SPTLC3: variants seen among roughly 807,000 people sequenced by gnomAD.
SPTLC3 encodes the protein serine palmitoyltransferase 3.
In SPTLC3, 36 loss-of-function variants were observed where a neutral mutation model predicts 59.3. The ratio of observed to expected loss-of-function variants is 0.61; its 90% CI spans 0.47 to 0.80. The LOEUF is 0.80. SPTLC3 is among the 30% of genes least tolerant of loss of function. The pLI is 0.00. For missense variants in SPTLC3, 625 were observed against 685.1 expected, an observed-to-expected ratio of 0.91 and a Z score of 0.98; for synonymous variants, 257 against 240.8, an observed-to-expected ratio of 1.07 and a Z score of -0.62.
At chr20:13,117,197 C>G (rs1990609367) in intron 7 of SPTLC3, among the ~76,000 whole-genome samples, 1 of 152,200 alleles carries the variant, frequency 6.6e-6, no homozygotes, top group South Asian at 2.1e-4. Context: ...AATGGTCAGT[C>G]TAGTTACACC....
At chr20:13,092,764 T>C (rs1989271303) in intron 5 of SPTLC3, among the ~76,000 whole-genome samples, 1 of 152,096 alleles carries the variant, frequency 6.6e-6, no homozygotes, top group Non-Finnish European at 1.5e-5. Flanking sequence ...AGAAATATAA[T>C]GGAGTATTCA....
At chr20:13,057,139 C>G (rs1396086869) in intron 2 of SPTLC3, among the ~76,000 whole-genome samples, 1 of 152,156 alleles carries the variant, frequency 6.6e-6, no homozygotes, top group Admixed American at 6.5e-5. Flanking sequence ...TTCTCTTGCT[C>G]AAAACATGAA....
In SPTLC3 at chr20:13,110,244, C is replaced by T. The variant is rs549696363; in HGVS notation, c.932+27C>T. The T allele has an allele frequency of 1.7e-4, 265 of 1,590,080 alleles. 2 individuals are homozygous for T. The South Asian group carries it at 2.6e-3, about 15-fold the overall frequency. On this transcript the variant is annotated intron_variant, in intron 7 of 11. Coordinates refer to ENST00000399002, the MANE Select transcript of SPTLC3 (RefSeq NM_018327.4). Reference sequence around the variant, plus strand: ...TATGTAAATAACAGGACACATTTTACGACTCGGAGGCCTGCAGCAAGCTGA... The same window carrying T: ...TATGTAAATAACAGGACACATTTTATGACTCGGAGGCCTGCAGCAAGCTGA...
At position 13,062,632 on chromosome 20, in the gene SPTLC3, A is replaced by T. The variant is rs190796579; in HGVS notation, c.304-9624A>T. ...AGTGCACCAAAGCAAGCATTATTTTATCTTTGTGCATGCATTTTTTCTGTC... is the reference window on the plus strand; with the variant it reads ...AGTGCACCAAAGCAAGCATTATTTTTTCTTTGTGCATGCATTTTTTCTGTC... On this transcript the variant is annotated intron_variant, in intron 2 of 11. Transcript: ENST00000399002. Among the ~76,000 whole-genome samples, 295 of 152,222 alleles carry T rather than the reference A, an allele frequency of 1.9e-3. 2 individuals carry two copies. Among genetic ancestry groups the T allele is most frequent in the Admixed American group, 0.013 (205 of 15,288 alleles).
At chr20:13,063,715 G>A (rs747692370) in intron 2 of SPTLC3, among the ~76,000 whole-genome samples, 2 of 151,014 alleles carry the variant, frequency 1.3e-5, no homozygotes, top group South Asian at 2.1e-4. Context: ...GTGCAGTGGC[G>A]TGGTGTCAGC....
At chr20:13,064,007 GTTCTT>G (rs1244696673) in intron 2 of SPTLC3, among the ~76,000 whole-genome samples, 8 of 150,902 alleles carry the variant, frequency 5.3e-5, no homozygotes, top group Admixed American at 1.3e-4. Flanking sequence ...TAATTAAATA[GTTCTT>G]TTCTTTTCTT....
Position 13,117,702 on chromosome 20 carries a change from G to C in SPTLC3, c.1129G>C (p.Gly377Arg). 1.9e-6 allele frequency: 3 copies of C among 1,612,912 alleles called. No homozygotes were observed. The highest frequency in any genetic ancestry group is 2.5e-6 in the Non-Finnish European group (3 of 1,179,576). The change falls in exon 8 of 12, where the codon GGA becomes CGA. Residue 377 changes from glycine (G) to arginine (R), a missense_variant. By Grantham distance (125) the Gly-to-Arg change is moderately radical. Transcript: ENST00000399002. Reference sequence around the variant, plus strand: ...ATTCACCAAAAGTTTTGGAGCTTCAGGAGGTTACATAGCTGGAAGGAAGGT... The same window carrying C: ...ATTCACCAAAAGTTTTGGAGCTTCACGAGGTTACATAGCTGGAAGGAAGGT... ...GTFTKSFGAS[G>R]GYIAGRKDLV... is the part of the protein sequence containing the mutation.
chr20:13,064,190 T>C (rs1334750004), intron 2 of SPTLC3, among the ~76,000 whole-genome samples: 5 of 151,504 alleles, frequency 3.3e-5, no homozygotes, highest in African/African-American at 4.9e-5. Flanking sequence ...CCACCGCACC[T>C]GGCCAATTTT....
chr20:13,026,160 G>A (rs1466754780), intron 1 of SPTLC3, among the ~76,000 whole-genome samples: 9 of 152,148 alleles, frequency 5.9e-5, no homozygotes, highest in Admixed American at 5.9e-4. Flanking sequence ...CCATGTCTTT[G>A]CTGTTGTGAA....
intron 4 of SPTLC3, among the ~76,000 whole-genome samples, chr20:13,089,630 C>G (rs1233375111): frequency 6.6e-6 from 1 of 151,762 alleles, no homozygotes; most frequent in African/African-American, 2.4e-5. Context: ...TACTAAAATA[C>G]AAAAAATTAG....
At chr20:13,163,554 T>C (rs999585526) in intron 11 of SPTLC3, among the ~76,000 whole-genome samples, 28 of 152,248 alleles carry the variant, frequency 1.8e-4, no homozygotes, top group African/African-American at 6.5e-4. Flanking sequence ...AAGATAACTT[T>C]GGTTACTTTT....
chr20:13,140,640 A>T (rs537261640), intron 9 of SPTLC3, among the ~76,000 whole-genome samples: 1 of 147,218 alleles, frequency 6.8e-6, no homozygotes, highest in East Asian at 2.0e-4. Context: ...GCATATCTAC[A>T]GGATTAAAAA....
chr20:13,141,912 C>A (rs947673142), intron 9 of SPTLC3, among the ~76,000 whole-genome samples: 1 of 152,172 alleles, frequency 6.6e-6, no homozygotes, highest in African/African-American at 2.4e-5. Flanking sequence ...GGTTAGCAAT[C>A]AAGGTGACAG....
chr20:13,039,987 A>T (rs992625493), intron 1 of SPTLC3, among the ~76,000 whole-genome samples: 1 of 151,852 alleles, frequency 6.6e-6, no homozygotes, highest in Non-Finnish European at 1.5e-5. Context: ...GTACAATTTT[A>T]TGTCTTTTTT....
At chr20:13,079,667 G>A in intron 4 of SPTLC3, 1 of 425,784 alleles carries the variant, frequency 2.3e-6, no homozygotes, top group South Asian at 1.7e-5. Flanking sequence ...CTTGATGTGC[G>A]CAATGCTTCT....
At chr20:13,147,730 A>C (rs550053869) in intron 9 of SPTLC3, among the ~76,000 whole-genome samples, 13 of 152,266 alleles carry the variant, frequency 8.5e-5, no homozygotes, top group African/African-American at 3.1e-4. Flanking sequence ...CAAGGACCTC[A>C]TTTTCCAAGC....
chr20:13,020,008 T>C (rs1195583819), intron 1 of SPTLC3, among the ~76,000 whole-genome samples: 2 of 152,170 alleles, frequency 1.3e-5, no homozygotes, highest in Non-Finnish European at 2.9e-5. Context: ...CTTCCTCAGA[T>C]CCCCAGATTA....
Position 13,049,146 on chromosome 20 carries a change from TC to T in SPTLC3, c.303+19del, listed in dbSNP as rs754117713. The T allele has an allele frequency of 1.4e-5, 22 of 1,610,900 alleles. No individual in the cohort carries two copies. Among genetic ancestry groups the T allele is most frequent in the Non-Finnish European group, 1.9e-5 (22 of 1,178,264 alleles). On this transcript the variant is annotated intron_variant, in intron 2 of 11. Transcript: ENST00000399002. The stretch of plus-strand genomic sequence containing the variant: ...AGAACAAAAAGTACGTATGCGCACC[TC>T]CCTGGATCTTTGTCAATGCCTACTC...
intron 11 of SPTLC3, 31 bp from the exon 12 acceptor site, chr20:13,164,723 T>C (rs372284724): frequency 2.6e-6 from 4 of 1,566,984 alleles, no homozygotes; most frequent in Non-Finnish European, 3.5e-6. Context: ...AGGTGTTCAA[T>C]GATAGCTATT....
Sources: allele counts gnomAD v4.1 joint callset (sites outside exome capture counted in the v4.1 genomes callset), GRCh38; gene constraint gnomAD v4.1.1; transcripts MANE v1.5; gene names NCBI Gene and HGNC (gene_info 2026-07-23, HGNC 2026-07-21).